The following RUNX1 variants were observed in gnomAD, a reference collection of about 807,000 sequenced individuals.
The protein encoded by RUNX1 is runt-related transcription factor 1.
A neutral mutation model predicts 42.8 loss-of-function variants in RUNX1; 19 were observed. The observed-to-expected ratio is 0.44, with a 90% confidence interval of 0.31 to 0.65. RUNX1 has a LOEUF of 0.65. RUNX1 is among the 30% of genes least tolerant of loss of function. RUNX1 has a pLI of 0.07. For synonymous variants in RUNX1, 271 were observed against 289.4 expected, an observed-to-expected ratio of 0.94 and a Z score of 0.64; for missense variants, 528 against 672.0, an observed-to-expected ratio of 0.79 and a Z score of 2.37.
At position 34,880,868 on chromosome 21, in the gene RUNX1, A is replaced by G. The variant is rs2298353; in HGVS notation, c.352-155T>C. On this transcript the variant is annotated intron_variant, in intron 4 of 8. Transcript: ENST00000675419. ...GCAATGATAACTTAAGCAAAACAAC[A>G]GAAAAGTTATAAAGAGAAGACACTT... 3.3e-5 allele frequency among the ~76,000 whole-genome samples: 5 copies of G among 152,366 alleles called. No individual in the cohort carries two copies. In the East Asian group the frequency reaches 9.6e-4, roughly 29 times the overall value.
intron 5 of RUNX1, among the ~76,000 whole-genome samples, chr21:34,863,098 T>TTCTTGATGAATAGGTAGCAAA: frequency 6.6e-6 from 1 of 152,226 alleles, no homozygotes; most frequent in African/African-American, 2.4e-5. Context: ...GATTTTATTG[T>TTCTTGATGAATAGGTAGCAAA]TCTTGATGAA....
At chr21:34,872,161 T>C (rs1026739787) in intron 5 of RUNX1, among the ~76,000 whole-genome samples, 2 of 152,158 alleles carry the variant, frequency 1.3e-5, no homozygotes, top group African/African-American at 4.8e-5. Flanking sequence ...ACTTTTTTAA[T>C]ATGAGTGGAC....
chr21:34,994,885 C>T (rs1189489618), intron 2 of RUNX1, among the ~76,000 whole-genome samples: 1 of 152,218 alleles, frequency 6.6e-6, no homozygotes, highest in African/African-American at 2.4e-5. Context: ...CCCGTACACC[C>T]TCAGAGACTT....
intron 2 of RUNX1, among the ~76,000 whole-genome samples, chr21:34,983,396 C>G (rs559669515): frequency 6.6e-6 from 1 of 152,150 alleles, no homozygotes; most frequent in Non-Finnish European, 1.5e-5. Context: ...ACTAATAACA[C>G]CAAAATAAAT....
rs199583645 is a variant in RUNX1, at chr21:34,856,403, A to C, written c.613+3071T>G. ...ATATGCCAGCCAATCATATAAGCCA[A>C]CTCCTCATTTTAAATGTGAGGATAC... On this transcript the variant is annotated intron_variant, in intron 6 of 8. Coordinates refer to ENST00000675419, the MANE Select transcript of RUNX1 (RefSeq NM_001754.5). 867 of 518,968 alleles carry C rather than the reference A, an allele frequency of 1.7e-3. 4 individuals are homozygous for C. The highest frequency in any genetic ancestry group is 3.0e-3 in the South Asian group (214 of 71,592). 32.1% of individuals were successfully genotyped at this position (518,968 alleles called of 1,614,324 possible). A position where few individuals can be genotyped will look rare whatever the true frequency, so the allele number is the denominator to read the frequency against.
At chr21:34,952,313 T>C (rs1026390629) in intron 2 of RUNX1, among the ~76,000 whole-genome samples, 1 of 152,128 alleles carries the variant, frequency 6.6e-6, no homozygotes, top group Admixed American at 6.5e-5. Context: ...CAAACCACCA[T>C]GGCACGTGTA....
intron 3 of RUNX1, among the ~76,000 whole-genome samples, chr21:34,889,147 C>G (rs981930067): frequency 0.024 from 1 of 42 alleles, no homozygotes; most frequent in Non-Finnish European, 0.045. Context: ...ACGAGGCTCC[C>G]GAACCGGGCT....
At chr21:35,007,418 C>T (rs977177645) in intron 2 of RUNX1, among the ~76,000 whole-genome samples, 2 of 152,138 alleles carry the variant, frequency 1.3e-5, no homozygotes, top group South Asian at 4.1e-4. Context: ...TGCCTTAATG[C>T]CCTGGCCCGG....
intron 2 of RUNX1, among the ~76,000 whole-genome samples, chr21:34,906,592 G>C (rs1338058560): frequency 1.3e-5 from 2 of 152,216 alleles, no homozygotes; most frequent in East Asian, 3.8e-4. Context: ...AGATGGAGCA[G>C]TGAAAGTAAG....
chr21:34,962,242 T>C (rs1601612410), intron 2 of RUNX1, among the ~76,000 whole-genome samples: 1 of 152,300 alleles, frequency 6.6e-6, no homozygotes, highest in East Asian at 1.9e-4. Context: ...TGTTTTGATG[T>C]TTGAGAAGTT....
In RUNX1 at chr21:34,797,567, G is replaced by A. The variant is rs546149140; in HGVS notation, c.967+1734C>T. Among the ~76,000 whole-genome samples, 7 of 152,308 alleles carry A rather than the reference G, an allele frequency of 4.6e-5. No homozygotes were observed. The South Asian group carries it at 8.3e-4, about 18-fold the overall frequency. The stretch of plus-strand genomic sequence containing the variant: ...ACAGGCATTATTTCAGGTGAAGACC[G>A]TAGCCGGTGTGCAGAGGGGTGCCCT... On this transcript the variant is annotated intron_variant, in intron 8 of 8. Transcript: ENST00000675419.
intron 6 of RUNX1, among the ~76,000 whole-genome samples, chr21:34,850,425 C>T (rs910026282): frequency 2.6e-5 from 4 of 152,292 alleles, no homozygotes; most frequent in African/African-American, 9.6e-5. Flanking sequence ...GGGAGAGATC[C>T]CAGGCACGCT....
At chr21:34,959,605 C>T (rs561814292) in intron 2 of RUNX1, among the ~76,000 whole-genome samples, 14 of 152,168 alleles carry the variant, frequency 9.2e-5, no homozygotes, top group African/African-American at 1.9e-4. Context: ...AAGACCTGAA[C>T]GTACTAAAGA....
At chr21:34,888,444 AAAG>A in intron 3 of RUNX1, 1 of 1,067,198 alleles carries the variant, frequency 9.4e-7, no homozygotes, top group Non-Finnish European at 1.1e-6. Flanking sequence ...CGCAGCCAGG[AAAG>A]AAGTTGAAAA....
intron 2 of RUNX1, among the ~76,000 whole-genome samples, chr21:34,975,365 C>A (rs75262962): frequency 6.6e-6 from 1 of 152,176 alleles, no homozygotes; most frequent in South Asian, 2.1e-4. Flanking sequence ...ATTGAACATG[C>A]GCAGACTTTT....
At chr21:34,871,558 T>C (rs535646801) in intron 5 of RUNX1, among the ~76,000 whole-genome samples, 2 of 152,292 alleles carry the variant, frequency 1.3e-5, no homozygotes, top group Admixed American at 1.3e-4. Flanking sequence ...GGAGTCTCCC[T>C]ACGGATTTTT....
intron 7 of RUNX1, among the ~76,000 whole-genome samples, chr21:34,805,284 GAA>G (rs1398826202): frequency 1.3e-5 from 2 of 152,150 alleles, no homozygotes; most frequent in African/African-American, 4.8e-5. Flanking sequence ...AGAAGAAAAA[GAA>G]AACAGTGGAA....
chr21:34,841,719 C>G (rs1230770592), intron 6 of RUNX1, among the ~76,000 whole-genome samples: 1 of 152,140 alleles, frequency 6.6e-6, no homozygotes, highest in Non-Finnish European at 1.5e-5. Context: ...CCCTGAGATC[C>G]CTGTGGACCT....
chr21:34,792,315 G>A lies in RUNX1; in HGVS notation c.1263C>T (p.Gly421=), dbSNP rs1055307. ...AGSYQFSMVG[G]ERSPPRILPP... ...GCAGGATGCGCGGCGGCGAGCGCTC[G>A]CCGCCCACCATGGAGAACTGGTAGG... Residue 421 remains glycine, a synonymous_variant, in exon 9 of 9, where the codon GGC becomes GGT. Transcript: ENST00000675419. This position sits in a 1 kb window ranked among gnomAD's most constrained non-coding sequence, Gnocchi z 6.9. The A allele has an allele frequency of 4.6e-6, 7 of 1,516,798 alleles. No individual in the cohort carries two copies. Among genetic ancestry groups the A allele is most frequent in the Non-Finnish European group, 6.2e-6 (7 of 1,130,508 alleles). The allele number at this position is 1,516,798 out of a possible 1,614,324, so 94.0% of individuals were successfully genotyped here.
Sources: gnomAD v4.1 joint callset for allele counts (sites outside exome capture counted in the v4.1 genomes callset) on GRCh38, gnomAD v4.1.1 for gene constraint, Gnocchi (gnomAD v3.1) non-coding constraint, MANE v1.5 for transcripts, NCBI Gene and HGNC (gene_info 2026-07-23, HGNC 2026-07-21) for gene names.